HECW2: variants seen among roughly 807,000 people sequenced by gnomAD.
The protein encoded by HECW2 is HECT, C2 and WW domain containing E3 ubiquitin protein ligase 2.
HECW2 carries 61 observed loss-of-function variants against 175.2 expected under a neutral mutation model. That is an observed-to-expected ratio of 0.35 (90% CI 0.28 to 0.43). The LOEUF (loss-of-function observed/expected upper bound fraction) is 0.43. Among genes scored for constraint, HECW2 ranks in the 20% least tolerant of loss-of-function variants. The pLI is 1.00. For missense variants in HECW2, 1,524 were observed against 2,000.5 expected, an observed-to-expected ratio of 0.76 and a Z score of 4.54; for synonymous variants, 671 against 731.0, an observed-to-expected ratio of 0.92 and a Z score of 1.32.
At position 196,201,289 on chromosome 2, in the gene HECW2, A is replaced by G. The variant is rs188983838; in HGVS notation, c.4707T>C (p.Phe1569=). The change falls in exon 29 of 29, where the codon TTT becomes TTC. Residue 1569 remains phenylalanine (F), a synonymous_variant. Transcript: ENST00000644978. ...LLTAVEETST[F]GLE is the part of the protein sequence containing the mutation. The stretch of plus-strand genomic sequence containing the variant: ...TTCAGCTTCCAGGTCACTCAAGTCC[A>G]AAAGTACTGGTTTCTTCAACTGCTG... 1.9e-6 allele frequency: 3 copies of G among 1,611,912 alleles called. No individual in the cohort carries two copies. Among genetic ancestry groups the G allele is most frequent in the East Asian group, 2.2e-5 (1 of 44,874 alleles).
chr2:196,367,058 G>A (rs1693763264), intron 2 of HECW2, among the ~76,000 whole-genome samples: 1 of 152,128 alleles, frequency 6.6e-6, no homozygotes, highest in Non-Finnish European at 1.5e-5. Flanking sequence ...ATATAGCAAT[G>A]AACACAATAA....
intron 2 of HECW2, among the ~76,000 whole-genome samples, chr2:196,373,502 C>T (rs1422715756): frequency 6.6e-6 from 1 of 152,178 alleles, no homozygotes; most frequent in Non-Finnish European, 1.5e-5. Flanking sequence ...ACTTGATTCA[C>T]TCCCACCCTT....
At chr2:196,235,658 T>A (rs1688222166) in intron 21 of HECW2, among the ~76,000 whole-genome samples, 1 of 109,484 alleles carries the variant, frequency 9.1e-6, no homozygotes, top group Non-Finnish European at 1.8e-5. Context: ...CTTTTTTTTT[T>A]TTTTTTTTTT....
intron 1 of HECW2, among the ~76,000 whole-genome samples, chr2:196,555,277 T>C (rs190982332): frequency 2.8e-4 from 43 of 152,230 alleles, no homozygotes; most frequent in Admixed American, 2.6e-4. Context: ...AGATTTGGTG[T>C]CTGGTGAGGG....
intron 19 of HECW2, 30 bp downstream of exon 19, chr2:196,253,890 G>A (rs373805298): frequency 1.6e-5 from 25 of 1,603,408 alleles, no homozygotes; most frequent in Non-Finnish European, 2.0e-5. Flanking sequence ...ACTCCTCAGA[G>A]AATTCACTGT....
At chr2:196,351,371 T>C (rs1432040055) in intron 2 of HECW2, among the ~76,000 whole-genome samples, 1 of 152,102 alleles carries the variant, frequency 6.6e-6, no homozygotes, top group African/African-American at 2.4e-5. Context: ...TTTAAGATAA[T>C]AAGAGAATAT....
chr2:196,209,878 C>T (rs1331326817), intron 28 of HECW2, among the ~76,000 whole-genome samples: 1 of 152,066 alleles, frequency 6.6e-6, no homozygotes, highest in African/African-American at 2.4e-5. Context: ...ATTCTCCTGC[C>T]TCTGCCTCCC....
At chr2:196,359,272 ATCCTGTTTC>A (rs1360231987) in intron 2 of HECW2, among the ~76,000 whole-genome samples, 2 of 152,088 alleles carry the variant, frequency 1.3e-5, no homozygotes, top group African/African-American at 4.8e-5. Flanking sequence ...ACATGGTGAA[ATCCTGTTTC>A]TACTGAAAAT....
At position 196,220,524 on chromosome 2, in the gene HECW2, G is replaced by C. The variant is rs567932921; in HGVS notation, c.4293+271C>G. 7.2e-5 allele frequency among the ~76,000 whole-genome samples: 11 copies of C among 152,250 alleles called. No homozygotes were observed. The South Asian group carries it at 2.1e-3, about 29-fold the overall frequency. ...TTTGATTACCCATATCTAAGCATAA[G>C]ATGCATGGCTTAAATGTTACTAGTG... On this transcript the variant is annotated intron_variant, in intron 25 of 28. Transcript: ENST00000644978.
intron 1 of HECW2, among the ~76,000 whole-genome samples, chr2:196,565,180 T>C (rs1280512276): frequency 6.6e-6 from 1 of 152,094 alleles, no homozygotes; most frequent in African/African-American, 2.4e-5. Context: ...CTAAACATCA[T>C]CTTTAACTCA....
At chr2:196,204,203 T>C (rs749552304) in intron 28 of HECW2, among the ~76,000 whole-genome samples, 130 of 152,294 alleles carry the variant, frequency 8.5e-4, no homozygotes, top group Non-Finnish European at 1.7e-3. Flanking sequence ...TCCTTTTCAA[T>C]TTTTTGGGGG....
chr2:196,418,891 TAAAC>T (rs1442419962), intron 2 of HECW2, among the ~76,000 whole-genome samples: 2 of 152,192 alleles, frequency 1.3e-5, no homozygotes, highest in South Asian at 2.1e-4. Context: ...CTAACATTGT[TAAAC>T]AAACAGATGA....
intron 15 of HECW2, among the ~76,000 whole-genome samples, chr2:196,277,517 C>G (rs182886248): frequency 1.6e-3 from 243 of 152,254 alleles, no homozygotes; most frequent in African/African-American, 5.5e-3. Context: ...AACACTTTTA[C>G]ACTGTTGGTG....
At chr2:196,518,408 C>T (rs573847385) in intron 1 of HECW2, among the ~76,000 whole-genome samples, 3 of 152,138 alleles carry the variant, frequency 2.0e-5, no homozygotes, top group African/African-American at 4.8e-5. Context: ...GTAATCCCAG[C>T]ACTTTGGGAG....
At position 196,319,085 on chromosome 2, in the gene HECW2, T is replaced by A. The variant is rs1227572697; in HGVS notation, c.1805A>T (p.Asp602Val). Reference protein sequence around the residue: ...RRAVSETESLDQGSEPSQVSS... With the variant: ...RRAVSETESLVQGSEPSQVSS... ...CACCTGGGAAGGCTCAGAGCCCTGA[T>A]CGAGAGACTCGGTCTCACTGACGGC... The change falls in exon 9 of 29, where the codon GAT becomes GTT. Residue 602 changes from aspartate to valine, a missense_variant. Coordinates refer to ENST00000644978, the MANE Select transcript of HECW2 (RefSeq NM_001348768.2). 2 of 1,604,556 alleles carry A rather than the reference T, an allele frequency of 1.2e-6. No homozygotes were observed. The highest frequency in any genetic ancestry group is 1.7e-6 in the Non-Finnish European group (2 of 1,175,572).
intron 19 of HECW2, among the ~76,000 whole-genome samples, chr2:196,248,070 G>A (rs1030562772): frequency 3.3e-5 from 5 of 152,132 alleles, no homozygotes; most frequent in African/African-American, 4.8e-5. Flanking sequence ...CAAAAAACAC[G>A]TCCAAATCCC....
intron 1 of HECW2, among the ~76,000 whole-genome samples, chr2:196,494,935 C>G (rs1011062665): frequency 1.3e-5 from 2 of 152,196 alleles, no homozygotes; most frequent in Non-Finnish European, 2.9e-5. Context: ...AATCATTGAC[C>G]TACTCTGTTC....
At chr2:196,321,482 C>T (rs1691939943) in intron 7 of HECW2, among the ~76,000 whole-genome samples, 1 of 150,772 alleles carries the variant, frequency 6.6e-6, no homozygotes, top group South Asian at 2.1e-4. Context: ...CTGCAACCTC[C>T]ACCTCCCGGG....
chr2:196,278,078 G>C (rs1402809778), intron 15 of HECW2, among the ~76,000 whole-genome samples: 2 of 133,456 alleles, frequency 1.5e-5, no homozygotes, highest in African/African-American at 2.6e-5. Flanking sequence ...GTATACAAAT[G>C]TAACAAACCT....
Sources: gnomAD v4.1 joint callset for allele counts (sites outside exome capture counted in the v4.1 genomes callset) on GRCh38, gnomAD v4.1.1 for gene constraint, MANE v1.5 for transcripts, NCBI Gene and HGNC (gene_info 2026-07-23, HGNC 2026-07-21) for gene names.